Variants in STIL observed in about 807,000 individuals in gnomAD.
STIL encodes the protein STIL centriolar assembly protein.
STIL carries 55 observed loss-of-function variants against 110.1 expected under a neutral mutation model. The ratio of observed to expected loss-of-function variants is 0.50; its 90% CI spans 0.40 to 0.63. STIL has a LOEUF of 0.63. Among genes scored for constraint, STIL ranks in the 20% least tolerant of loss-of-function variants. STIL has a pLI of 0.00. For missense variants in STIL, 1,358 were observed against 1,530.0 expected (o/e 0.89, Z 1.87); for synonymous variants, 481 against 530.0 (o/e 0.91, Z 1.27).
At position 47,251,373 on chromosome 1, in the gene STIL, C is replaced by A; in HGVS notation, c.3630G>T (p.Gln1210His). The change falls in exon 17 of 17, where the codon CAG becomes CAT. Residue 1210 changes from glutamine to histidine, a missense_variant. Transcript: ENST00000371877. ...AGAAAGCTGGCTTTTCAGTCAACTGCTGTTTTGCTTTTGTCTGCAAAACTT... is the reference window on the plus strand; with the variant it reads ...AGAAAGCTGGCTTTTCAGTCAACTGATGTTTTGCTTTTGTCTGCAAAACTT... ...TNEVLQTKAK[Q>H]QLTEKPAFLV... 1 of 1,614,234 alleles carries A rather than the reference C, an allele frequency of 6.2e-7. No individual in the cohort carries two copies. Among genetic ancestry groups the A allele is most frequent in the Non-Finnish European group, 8.5e-7 (1 of 1,180,034 alleles).
chr1:47,276,017 T>C (rs1470802210), intron 12 of STIL, among the ~76,000 whole-genome samples: 3 of 151,804 alleles, frequency 2.0e-5, no homozygotes, highest in Non-Finnish European at 4.4e-5. Flanking sequence ...TTTTTTTTCT[T>C]TTTGAGACAG....
At chr1:47,298,425 G>A (rs2149163808) in intron 6 of STIL, among the ~76,000 whole-genome samples, 1 of 152,318 alleles carries the variant, frequency 6.6e-6, no homozygotes, top group Non-Finnish European at 1.5e-5. Context: ...AGTGGAGATA[G>A]GAAGCTGGAG....
chr1:47,265,260 A>AAAAAAAAAAAAAAAAC (rs1553170532), intron 14 of STIL, among the ~76,000 whole-genome samples: 4 of 148,320 alleles, frequency 2.7e-5, no homozygotes, highest in East Asian at 4.0e-4. Context: ...AAAAAAAAAA[A>AAAAAAAAAAAAAAAAC]CACAAGATTG....
intron 6 of STIL, among the ~76,000 whole-genome samples, chr1:47,298,984 C>T (rs959930058): frequency 5.0e-4 from 76 of 151,298 alleles, no homozygotes; most frequent in Admixed American, 1.8e-3. Context: ...CTCCTGACCT[C>T]GTGATCCACC....
At chr1:47,285,864 T>TC (rs1470470775) in intron 10 of STIL, among the ~76,000 whole-genome samples, 2 of 146,446 alleles carry the variant, frequency 1.4e-5, no homozygotes. Context: ...TTTAAAACAA[T>TC]TTTTTTTTTT....
intron 2 of STIL, among the ~76,000 whole-genome samples, chr1:47,306,102 G>T (rs1645954674): frequency 6.6e-6 from 1 of 151,728 alleles, no homozygotes; most frequent in South Asian, 2.1e-4. Context: ...TCAAAATTTG[G>T]CTTATTTGTC....
intron 3 of STIL, 29 bp from the exon 4 acceptor site, chr1:47,302,375 T>C: frequency 2.0e-6 from 3 of 1,527,710 alleles, no homozygotes; most frequent in Non-Finnish European, 2.7e-6. Flanking sequence ...TTTATGAATA[T>C]GGTAGACCTC....
chr1:47,276,574 G>C (rs949485062), intron 12 of STIL, among the ~76,000 whole-genome samples: 1 of 151,640 alleles, frequency 6.6e-6, no homozygotes, highest in Non-Finnish European at 1.5e-5. Flanking sequence ...CTGGGAGGCC[G>C]AGGCAGGTGG....
intron 14 of STIL, among the ~76,000 whole-genome samples, chr1:47,268,219 G>T (rs1426813239): frequency 1.3e-5 from 2 of 152,164 alleles, no homozygotes; most frequent in African/African-American, 2.4e-5. Flanking sequence ...GGCTGAGGCA[G>T]GCGGATCACC....
intron 7 of STIL, 26 bp downstream of exon 7, chr1:47,295,739 G>A: frequency 2.0e-6 from 3 of 1,507,370 alleles, no homozygotes; most frequent in Non-Finnish European, 2.8e-6. Context: ...GGCTGATAAG[G>A]TTTTCATAAA....
In STIL at chr1:47,281,130, G is replaced by C. The variant is rs1396185119; in HGVS notation, c.1328C>G (p.Thr443Ser). ...TTCATTATTCACCATTTCCAATGGA[G>C]TAGGCAGAGGGTTTGATTCTATGAA... Reference protein sequence around the residue: ...GNFIESNPLPTPLEMVNNENP... With the variant: ...GNFIESNPLPSPLEMVNNENP... Residue 443 changes from threonine (T) to serine (S), a missense_variant, in exon 12 of 17, where the codon ACT becomes AGT. Physicochemically the swap from Thr to Ser is moderately conservative, Grantham distance 58. Transcript: ENST00000371877. The C allele has an allele frequency of 6.2e-7, 1 of 1,614,130 alleles. No homozygotes were observed. Among genetic ancestry groups the C allele is most frequent in the Non-Finnish European group, 8.5e-7 (1 of 1,180,018 alleles).
intron 6 of STIL, among the ~76,000 whole-genome samples, chr1:47,297,836 G>A (rs1164198532): frequency 1.3e-5 from 2 of 152,016 alleles, no homozygotes; most frequent in African/African-American, 2.4e-5. Context: ...TGAACATCCT[G>A]GTTATTACCA....
chr1:47,265,180 G>C (rs1180678224), intron 14 of STIL, among the ~76,000 whole-genome samples: 2 of 118,480 alleles, frequency 1.7e-5, no homozygotes, highest in Non-Finnish European at 3.2e-5. Context: ...AGGTTGCAGT[G>C]AACCAAGATC....
intron 16 of STIL, 70 bp from the exon 17 acceptor site, chr1:47,251,992 A>G (rs1644197459): frequency 6.8e-7 from 1 of 1,471,938 alleles, no homozygotes. Context: ...AATGTGTTCC[A>G]TTCTATACAA....
intron 1 of STIL, among the ~76,000 whole-genome samples, chr1:47,310,787 T>A (rs1646099984): frequency 6.6e-6 from 1 of 152,080 alleles, no homozygotes. Context: ...CATTAAAGAA[T>A]CTTCATTGGA....
intron 14 of STIL, 37 bp downstream of exon 14, chr1:47,269,598 G>T (rs751409966): frequency 1.4e-5 from 22 of 1,588,752 alleles, no homozygotes; most frequent in Non-Finnish European, 1.8e-5. Context: ...AATTTTTTTT[G>T]AAAGTAGGAT....
At chr1:47,260,184 AATAC>A (rs1221013770) in intron 16 of STIL, 101 bp downstream of exon 16, 1 of 1,196,754 alleles carries the variant, frequency 8.4e-7, no homozygotes, top group Non-Finnish European at 1.2e-6. Context: ...AGATTGCCAC[AATAC>A]ATCTAAAATT....
At chr1:47,254,341 G>T (rs1434073139) in intron 16 of STIL, among the ~76,000 whole-genome samples, 1 of 151,982 alleles carries the variant, frequency 6.6e-6, no homozygotes. Flanking sequence ...TTAATAAGAT[G>T]AAAGAGATAC....
At chr1:47,295,385 GC>G (rs1458267179) in intron 7 of STIL, among the ~76,000 whole-genome samples, 3 of 152,032 alleles carry the variant, frequency 2.0e-5, no homozygotes, top group Non-Finnish European at 4.4e-5. Flanking sequence ...TTCGAGACGA[GC>G]CTGGCCAACA....
Sources: allele counts gnomAD v4.1 joint callset (sites outside exome capture counted in the v4.1 genomes callset), GRCh38; gene constraint gnomAD v4.1.1; transcripts MANE v1.5; gene names NCBI Gene and HGNC (gene_info 2026-07-23, HGNC 2026-07-21).